ZKSCAN7: variants seen among roughly 807,000 people sequenced by gnomAD.
The protein encoded by ZKSCAN7 is zinc finger with KRAB and SCAN domains 7, also known as zinc finger protein with KRAB and SCAN domains 7.
Under a neutral mutation model 65.3 loss-of-function variants are expected in ZKSCAN7, and 38 were observed. The observed-to-expected ratio is 0.58, with a 90% confidence interval of 0.45 to 0.76. The LOEUF is 0.76. ZKSCAN7 is among the 30% of genes least tolerant of loss of function. ZKSCAN7 has a pLI of 0.00. For missense variants in ZKSCAN7, 815 were observed against 913.3 expected (o/e 0.89, Z 1.39); for synonymous variants, 321 against 321.0 (o/e 1.00, Z 0.00).
rs9873604 is a variant in ZKSCAN7 at position 44,570,558 on chromosome 3, C to G, written c.1448C>G (p.Thr483Ser). ...AKAFTQSSRL[T>S]DHQRTHTGEK... ...GCCTTTACTCAGAGTTCCCGACTCA[C>G]TGACCACCAGAGAACCCATACTGGG... Residue 483 changes from threonine to serine, a missense_variant, in exon 6 of 6, where the codon ACT becomes AGT. Thr to Ser is a moderately conservative substitution (Grantham distance 58, BLOSUM62 1). Coordinates refer to ENST00000426540, the MANE Select transcript of ZKSCAN7 (RefSeq NM_001288590.2). 21 of 1,613,956 alleles carry G rather than the reference C, an allele frequency of 1.3e-5. No homozygotes were observed. The Middle Eastern group carries it at 4.9e-4, about 38-fold the overall frequency.
chr3:44,571,254 G>C lies in ZKSCAN7; in HGVS notation c.2144G>C (p.Gly715Ala). Residue 715 changes from glycine to alanine, a missense_variant, in exon 6 of 6, where the codon GGA (glycine) becomes GCA (alanine). By Grantham distance (60) the Gly-to-Ala change is moderately conservative. Around this residue, in one of 3 missense-constraint regions of ZKSCAN7, gnomAD observed 578 missense variants for 629.5 expected, o/e 0.92. Transcript: ENST00000426540. Reference sequence around the variant, plus strand: ...ATTGTACACCAGAGAGTCCACACCGGAGAGAAACCTTATGAATGTAGTGAA... The same window carrying C: ...ATTGTACACCAGAGAGTCCACACCGCAGAGAAACCTTATGAATGTAGTGAA... ...QLIVHQRVHTGEKPYECSECG... is the reference protein window; with the variant it reads ...QLIVHQRVHTAEKPYECSECG... 6.2e-7 allele frequency: 1 copy of C among 1,614,218 alleles called. No individual in the cohort carries two copies.
At chr3:44,562,216 G>A (rs1425402628) in intron 2 of ZKSCAN7, among the ~76,000 whole-genome samples, 1 of 152,216 alleles carries the variant, frequency 6.6e-6, no homozygotes, top group East Asian at 1.9e-4. Flanking sequence ...TGCCAGCTTG[G>A]GGCTTGCACC....
Position 44,580,205 on chromosome 3 carries a change from C to T in ZKSCAN7, c.812-2767C>T, listed in dbSNP as rs1405610303. Reference sequence around the variant, plus strand: ...GGGGCAGCTGCTGTTCTTCGGCCTTCAAGTCGTGTTTGGTCTTCTCCAGAG... The same window carrying T: ...GGGGCAGCTGCTGTTCTTCGGCCTTTAAGTCGTGTTTGGTCTTCTCCAGAG... On this transcript the variant is annotated intron_variant, in intron 5 of 5. Coordinates refer to the ZKSCAN7 transcript ENST00000341840. 5 of 1,611,914 alleles carry T rather than the reference C, an allele frequency of 3.1e-6. No individual in the cohort carries two copies. In the African/African-American group the frequency reaches 6.7e-5, roughly 22 times the overall value.
chr3:44,561,312 T>G (rs1292654192), intron 2 of ZKSCAN7, among the ~76,000 whole-genome samples: 2 of 152,074 alleles, frequency 1.3e-5, no homozygotes, highest in Admixed American at 1.3e-4. Context: ...TGATCAGATC[T>G]CATGAGAACC....
chr3:44,571,540 C>G lies in ZKSCAN7; in HGVS notation c.*165C>G, dbSNP rs1699810369. On this transcript the variant is annotated 3_prime_UTR_variant, in exon 6 of 6. Transcript: ENST00000426540. ...AGAGTAGGAGTAACTTATTCCAGTT[C>G]TTACCCATTATTAGGAAGGTAAGGA... The G allele has an allele frequency of 1.3e-6, 2 of 1,516,166 alleles. No individual in the cohort carries two copies. Among genetic ancestry groups the G allele is most frequent in the Non-Finnish European group, 1.8e-6 (2 of 1,136,834 alleles). 93.9% of individuals were successfully genotyped at this position (1,516,166 alleles called of 1,614,324 possible).
At position 44,557,164 on chromosome 3, in the gene ZKSCAN7, C is replaced by A. The variant is rs911254523; in HGVS notation, c.117C>A (p.Gly39=). 6.2e-7 allele frequency: 1 copy of A among 1,614,116 alleles called. No individual in the cohort carries two copies. Among genetic ancestry groups the A allele is most frequent in the Non-Finnish European group, 8.5e-7 (1 of 1,180,048 alleles). The part of the protein sequence containing the change: ...QEPANQTWGQ[G]SSLQKNYPPV... ...CAGCAAACCAGACCTGGGGGCAGGG[C>A]AGCAGTCTCCAGAAGAACTATCCTC... The change falls in exon 2 of 6, where the codon GGC becomes GGA. Residue 39 remains glycine, a synonymous_variant. Transcript: ENST00000426540.
At chr3:44,579,435 G>A (rs1000420526) in intron 5 of ZKSCAN7, among the ~76,000 whole-genome samples, 4 of 152,194 alleles carry the variant, frequency 2.6e-5, no homozygotes, top group Non-Finnish European at 5.9e-5. Context: ...TCTCGCCTCC[G>A]CTCCCACGTG....
In ZKSCAN7 at chr3:44,570,221, G is replaced by A; in HGVS notation, c.1111G>A (p.Val371Ile). ...ACATCCACCTCTGTCTTCCAGTCCT[G>A]TTGAACATGAAGGAGTTTTAAAGGG... ...GEHPPLSSSP[V>I]EHEGVLKGQK... The change falls in exon 6 of 6, where the codon GTT (valine) becomes ATT (isoleucine). Residue 371 changes from valine to isoleucine, a missense_variant. By Grantham distance (29) the Val-to-Ile change is conservative. Transcript: ENST00000426540. 6.2e-7 allele frequency: 1 copy of A among 1,614,244 alleles called. No homozygotes were observed.
At chr3:44,569,843 G>A (rs1699741292) in intron 5 of ZKSCAN7, 79 bp from the exon 6 acceptor site, 3 of 1,444,380 alleles carry the variant, frequency 2.1e-6, no homozygotes, top group Non-Finnish European at 2.7e-6. Context: ...TTTTTTTCAG[G>A]TATGTTAGCT....
intron 2 of ZKSCAN7, among the ~76,000 whole-genome samples, chr3:44,559,078 G>A (rs1371296314): frequency 6.6e-6 from 1 of 151,732 alleles, no homozygotes; most frequent in African/African-American, 2.4e-5. Context: ...CGCCTGGCCT[G>A]GAATTTCTTC....
chr3:44,565,540 G>A lies in ZKSCAN7; in HGVS notation c.477G>A (p.Leu159=). The A allele has an allele frequency of 6.2e-7, 1 of 1,612,864 alleles. No homozygotes were observed. The highest frequency in any genetic ancestry group is 8.5e-7 in the Non-Finnish European group (1 of 1,179,544). ...QEMHFEETTA[L]GTTKESPPTS... ...TGCATTTTGAGGAGACAACAGCTCT[G>A]GGTACAACAAAGGAATCTCCTCCTA... The change falls in exon 3 of 6, where the codon CTG becomes CTA. Residue 159 remains leucine, a synonymous_variant. Transcript: ENST00000426540.
At chr3:44,583,215 A>G (rs1700131144) in exon 6 of ZKSCAN7, 1 of 238,758 alleles carries the variant, frequency 4.2e-6, no homozygotes, top group African/African-American at 2.3e-5. Flanking sequence ...GGCGTGAGCC[A>G]CCACACCCAG....
downstream of ZKSCAN7, among the ~76,000 whole-genome samples, chr3:44,573,659 G>T (rs115177761): frequency 8.6e-3 from 1,316 of 152,232 alleles, 21 homozygotes; most frequent in African/African-American, 0.03. Context: ...CAGATCCCAG[G>T]GACAAGCCCA....
chr3:44,566,796 CT>C (rs35327396), intron 3 of ZKSCAN7, among the ~76,000 whole-genome samples: 5,105 of 143,444 alleles, frequency 0.036, 150 homozygotes, highest in African/African-American at 0.076. Context: ...ATGACCAGCT[CT>C]TTTTTTTTTT....
chr3:44,556,960 C>T lies in ZKSCAN7; in HGVS notation c.-88C>T. 1 of 1,575,208 alleles carries T rather than the reference C, an allele frequency of 6.3e-7. No individual in the cohort carries two copies. The highest frequency in any genetic ancestry group is 8.7e-7 in the Non-Finnish European group (1 of 1,155,286). On this transcript the variant is annotated 5_prime_UTR_variant, in exon 2 of 6. Coordinates refer to ENST00000426540, the MANE Select transcript of ZKSCAN7 (RefSeq NM_001288590.2). ...ACTACCATCACCCCTTTCTCCAACC[C>T]TGAAAAACAGTTCCTGAGACCTGAA... is the stretch of plus-strand genomic sequence containing the variant.
intron 2 of ZKSCAN7, among the ~76,000 whole-genome samples, chr3:44,558,428 G>A (rs919661877): frequency 4.0e-5 from 6 of 151,746 alleles, no homozygotes; most frequent in African/African-American, 1.5e-4. Context: ...GGGAGGCTGA[G>A]GCAAAAGAAT....
chr3:44,560,209 T>C (rs1263899917), intron 2 of ZKSCAN7, among the ~76,000 whole-genome samples: 1 of 152,126 alleles, frequency 6.6e-6, no homozygotes, highest in Admixed American at 6.5e-5. Flanking sequence ...CTACTGTCAG[T>C]GTTATGTTTT....
At position 44,556,986 on chromosome 3, in the gene ZKSCAN7, C is replaced by G. The variant is rs1699312093; in HGVS notation, c.-62C>G. On this transcript the variant is annotated 5_prime_UTR_variant, in exon 2 of 6. Transcript: ENST00000426540. ...TGAAAAACAGTTCCTGAGACCTGAA[C>G]TATTGACCATCATTTTAATCGGACC... The G allele has an allele frequency of 1.2e-6, 2 of 1,607,524 alleles. No individual in the cohort carries two copies. Among genetic ancestry groups the G allele is most frequent in the African/African-American group, 1.3e-5 (1 of 74,594 alleles).
In ZKSCAN7 at chr3:44,557,377, C is replaced by G. The variant is rs942718762; in HGVS notation, c.330C>G (p.Leu110=). Residue 110 remains leucine (L), a synonymous_variant, in exon 2 of 6, where the codon CTC becomes CTG. Coordinates refer to ENST00000426540, the MANE Select transcript of ZKSCAN7 (RefSeq NM_001288590.2). The part of the protein sequence containing the change: ...EQFLSILPGE[L]RTWVQLHHPE... ...TCCTGAGCATCCTCCCTGGGGAGCTCCGGACCTGGGTGCAGCTGCATCACC... is the reference window on the plus strand; with the variant it reads ...TCCTGAGCATCCTCCCTGGGGAGCTGCGGACCTGGGTGCAGCTGCATCACC... 1 of 1,614,220 alleles carries G rather than the reference C, an allele frequency of 6.2e-7. No homozygotes were observed. Among genetic ancestry groups the G allele is most frequent in the Non-Finnish European group, 8.5e-7 (1 of 1,180,034 alleles).
Sources: gnomAD v4.1 joint callset for allele counts (sites outside exome capture counted in the v4.1 genomes callset) on GRCh38, gnomAD v4.1.1 for gene constraint, gnomAD v4.1.1 regional missense constraint, MANE v1.5 for transcripts, NCBI Gene and HGNC (gene_info 2026-07-23, HGNC 2026-07-21) for gene names.